Variants in DGKB observed in about 807,000 individuals in gnomAD.
The protein encoded by DGKB is 90 kDa diacylglycerol kinase.
A neutral mutation model predicts 114.3 loss-of-function variants in DGKB; 67 were observed. The ratio of observed to expected loss-of-function variants is 0.59; its 90% confidence interval spans 0.48 to 0.72. The LOEUF is 0.72. DGKB is among the 30% of genes least tolerant of loss of function. The pLI is 0.00. For synonymous variants in DGKB, 398 were observed against 323.1 expected, an observed-to-expected ratio of 1.23 and a Z score of -2.49; for missense variants, 907 against 975.2, an observed-to-expected ratio of 0.93 and a Z score of 0.93.
intron 20 of DGKB, among the ~76,000 whole-genome samples, chr7:14,560,560 A>C (rs528650868): frequency 1.3e-5 from 2 of 152,300 alleles, no homozygotes; most frequent in South Asian, 4.1e-4. Flanking sequence ...AAAACTGAAT[A>C]ACATTCAGTT....
At chr7:14,872,081 A>G (rs1852554916) in intron 1 of DGKB, among the ~76,000 whole-genome samples, 1 of 152,180 alleles carries the variant, frequency 6.6e-6, no homozygotes. Flanking sequence ...CACTAGATCT[A>G]AAAATAAATA....
Position 14,730,277 on chromosome 7 carries a change from T to C in DGKB, c.322+5764A>G, listed in dbSNP as rs561467611. Among the ~76,000 whole-genome samples the C allele has an allele frequency of 3.9e-5, 6 of 152,218 alleles. No individual in the cohort carries two copies. In the South Asian group the frequency reaches 1.2e-3, roughly 32 times the overall value. On this transcript the variant is annotated intron_variant, in intron 5 of 25. Coordinates refer to ENST00000402815, the MANE Select transcript of DGKB (RefSeq NM_001350709.2). ...GTTAATGAATACTAAATGGTTGGAG[T>C]TGGCATGGGTGGCGATGGAGAAGGG...
At chr7:14,302,413 A>C (rs1585021790) in intron 23 of DGKB, among the ~76,000 whole-genome samples, 1 of 152,198 alleles carries the variant, frequency 6.6e-6, no homozygotes, top group Non-Finnish European at 1.5e-5. Context: ...ATTTATACTA[A>C]GAATGTTAAA....
chr7:14,453,440 T>G (rs1241986099), intron 21 of DGKB, among the ~76,000 whole-genome samples: 1 of 152,138 alleles, frequency 6.6e-6, no homozygotes, highest in African/African-American at 2.4e-5. Context: ...CATATGGTTC[T>G]GGACTAGAAA....
intron 23 of DGKB, among the ~76,000 whole-genome samples, chr7:14,324,202 A>C (rs989300656): frequency 6.6e-6 from 1 of 152,154 alleles, no homozygotes; most frequent in Non-Finnish European, 1.5e-5. Flanking sequence ...TAATCCCAGC[A>C]CTTTGGGAGG....
At chr7:14,782,632 A>G (rs1269658808) in intron 2 of DGKB, among the ~76,000 whole-genome samples, 1 of 152,178 alleles carries the variant, frequency 6.6e-6, no homozygotes, top group African/African-American at 2.4e-5. Context: ...ATTGTAATAG[A>G]GAATTACAGG....
At chr7:14,309,651 C>A (rs114301048) in intron 23 of DGKB, among the ~76,000 whole-genome samples, 2,694 of 152,316 alleles carry the variant, frequency 0.018, 81 homozygotes, top group African/African-American at 0.061. Context: ...ATAGTATCTT[C>A]TACCCACTTG....
intron 21 of DGKB, among the ~76,000 whole-genome samples, chr7:14,454,474 AAGAAAAC>A (rs1433778903): frequency 1.3e-5 from 2 of 152,128 alleles, no homozygotes; most frequent in African/African-American, 4.8e-5. Context: ...AGATTGTCTT[AAGAAAAC>A]CATTCCAATT....
rs144968796 is a variant in DGKB at position 14,966,174 on chromosome 7, T to G, written c.-188+8522A>C. On this transcript the variant is annotated intron_variant, in intron 1 of 4. Coordinates refer to the DGKB transcript ENST00000437998. ...GTCCATGCTAACAATTTCCTTCTCC[T>G]GTTTTCTACTGGCTAAAAAGAAAAA... Among the ~76,000 whole-genome samples, 670 of 152,228 alleles carry G rather than the reference T, an allele frequency of 4.4e-3. 7 individuals carry two copies. Among genetic ancestry groups the G allele is most frequent in the African/African-American group, 0.015 (615 of 41,560 alleles).
intron 6 of DGKB, among the ~76,000 whole-genome samples, chr7:14,708,732 T>C (rs1826766845): frequency 6.6e-6 from 1 of 151,120 alleles, no homozygotes; most frequent in Non-Finnish European, 1.5e-5. Flanking sequence ...CCCTATTTAA[T>C]AAATGGTGCT....
intron 1 of DGKB, among the ~76,000 whole-genome samples, chr7:14,858,000 T>C (rs1437497485): frequency 6.6e-6 from 1 of 152,188 alleles, no homozygotes; most frequent in Non-Finnish European, 1.5e-5. Flanking sequence ...TTATAATTAA[T>C]GCTCAAAGGA....
chr7:14,589,130 T>C (rs1801260107), intron 17 of DGKB, among the ~76,000 whole-genome samples: 2 of 152,022 alleles, frequency 1.3e-5, no homozygotes, highest in African/African-American at 2.4e-5. Context: ...TTATTCTTCG[T>C]TGTTTTGTGG....
chr7:14,729,306 T>C (rs1429836564), intron 5 of DGKB, among the ~76,000 whole-genome samples: 1 of 146,214 alleles, frequency 6.8e-6, no homozygotes, highest in South Asian at 2.1e-4. Context: ...GTATTTTTAG[T>C]AGAGACCAGG....
At chr7:14,795,697 T>A (rs1292169251) in intron 2 of DGKB, among the ~76,000 whole-genome samples, 1 of 152,092 alleles carries the variant, frequency 6.6e-6, no homozygotes. Flanking sequence ...GCTGGTTACC[T>A]GGCTACTGTA....
At chr7:14,617,061 G>GT (rs1563690228) in intron 15 of DGKB, among the ~76,000 whole-genome samples, 1 of 151,632 alleles carries the variant, frequency 6.6e-6, no homozygotes, top group Admixed American at 6.6e-5. Flanking sequence ...AGTTAGACTG[G>GT]TTTTGGATCC....
At chr7:14,199,080 T>C (rs1157467603) in intron 23 of DGKB, among the ~76,000 whole-genome samples, 2 of 151,982 alleles carry the variant, frequency 1.3e-5, no homozygotes, top group African/African-American at 4.8e-5. Context: ...TGACCTTAGA[T>C]TGTGATTAAA....
At chr7:14,737,531 T>C (rs937340896) in intron 4 of DGKB, among the ~76,000 whole-genome samples, 2 of 152,076 alleles carry the variant, frequency 1.3e-5, no homozygotes, top group African/African-American at 2.4e-5. Context: ...GGAATATCAT[T>C]AGACATAGTA....
intron 2 of DGKB, among the ~76,000 whole-genome samples, chr7:14,821,107 T>G (rs1586725549): frequency 6.6e-6 from 1 of 152,134 alleles, no homozygotes; most frequent in Non-Finnish European, 1.5e-5. Context: ...ATAACATACC[T>G]TTGACTAAAA....
At chr7:14,808,384 T>C (rs974292751) in intron 2 of DGKB, among the ~76,000 whole-genome samples, 18 of 152,022 alleles carry the variant, frequency 1.2e-4, no homozygotes, top group Admixed American at 1.2e-3. Flanking sequence ...TTGTAGAAAA[T>C]ATCCCAAACT....
Sources: gnomAD v4.1 joint callset for allele counts (sites outside exome capture counted in the v4.1 genomes callset) on GRCh38, gnomAD v4.1.1 for gene constraint, MANE v1.5 for transcripts, NCBI Gene and HGNC (gene_info 2026-07-23, HGNC 2026-07-21) for gene names.